The following PTPRK variants were observed in gnomAD, a reference collection of about 807,000 sequenced individuals.
PTPRK encodes protein tyrosine phosphatase receptor type K.
PTPRK carries 75 observed loss-of-function variants against 178.0 expected under a neutral mutation model. The observed-to-expected ratio is 0.42, with a 90% confidence interval of 0.35 to 0.51. The LOEUF is 0.51. PTPRK is among the 20% of genes least tolerant of loss of function. The pLI is 0.02. For synonymous variants in PTPRK, 637 were observed against 620.6 expected (o/e 1.03, Z -0.39); for missense variants, 1,441 against 1,797.8 (o/e 0.80, Z 3.59).
At chr6:128,220,233 G>C (rs1810144877) in intron 5 of PTPRK, among the ~76,000 whole-genome samples, 1 of 152,046 alleles carries the variant, frequency 6.6e-6, no homozygotes, top group Non-Finnish European at 1.5e-5. Flanking sequence ...GGAATAAATA[G>C]CCAGAATACG....
intron 1 of PTPRK, among the ~76,000 whole-genome samples, chr6:128,473,411 T>A (rs887510427): frequency 7.2e-6 from 1 of 137,970 alleles, no homozygotes; most frequent in Non-Finnish European, 1.6e-5. Flanking sequence ...ACTATTTTTT[T>A]TTTTTTTTTT....
At chr6:128,091,279 C>T (rs1009477206) in intron 7 of PTPRK, among the ~76,000 whole-genome samples, 7 of 152,186 alleles carry the variant, frequency 4.6e-5, no homozygotes, top group Non-Finnish European at 7.3e-5. Flanking sequence ...CAGACGTTAC[C>T]TGAAGTCCAC....
rs143695934 is a variant in PTPRK at position 128,404,561 on chromosome 6, C to T, written c.101-6873G>A. Reference sequence around the variant, plus strand: ...GCATATCCATTGTAGCAGGGGATCCCGAAGTGTGATCAATCCAAATCTTAC... The same window carrying T: ...GCATATCCATTGTAGCAGGGGATCCTGAAGTGTGATCAATCCAAATCTTAC... On this transcript the variant is annotated intron_variant, in intron 1 of 29. Coordinates refer to ENST00000368226, the MANE Select transcript of PTPRK (RefSeq NM_002844.4). Among the ~76,000 whole-genome samples the T allele has an allele frequency of 9.5e-4, 145 of 152,200 alleles. 1 individual carries two copies. The East Asian group carries it at 0.024, about 25-fold the overall frequency.
intron 7 of PTPRK, 84 bp downstream of exon 7, chr6:128,184,347 AT>A: frequency 7.6e-7 from 1 of 1,311,728 alleles, no homozygotes; most frequent in East Asian, 2.5e-5. Context: ...ATATCAAATA[AT>A]GAGAACCTTC....
In PTPRK at chr6:127,997,858, T is replaced by C. The variant is rs568051479; in HGVS notation, c.2679+862A>G. 3.3e-5 allele frequency among the ~76,000 whole-genome samples: 5 copies of C among 152,240 alleles called. No homozygotes were observed. The East Asian group carries it at 9.7e-4, about 29-fold the overall frequency. ...ATACAGGTAATCCATAGATAAAATA[T>C]GGAGTTTAAAAGATTCTTCATGAAA... On this transcript the variant is annotated intron_variant, in intron 16 of 29. Transcript: ENST00000368226.
intron 6 of PTPRK, among the ~76,000 whole-genome samples, chr6:128,191,732 A>G (rs1339072139): frequency 2.0e-5 from 3 of 152,196 alleles, no homozygotes; most frequent in African/African-American, 7.2e-5. Flanking sequence ...GCGAAAAAAA[A>G]AATCTCTAGT....
In PTPRK at chr6:128,153,586, C is replaced by T. The variant is rs557490311; in HGVS notation, c.1162+30846G>A. 2.8e-4 allele frequency among the ~76,000 whole-genome samples: 42 copies of T among 151,986 alleles called. 2 individuals carry two copies. The South Asian group carries it at 7.5e-3, about 27-fold the overall frequency. On this transcript the variant is annotated intron_variant, in intron 7 of 29. Transcript: ENST00000368226. ...ACTACAATTAGCATTATATTTTTCA[C>T]GGCAGCTCTACAGTTTGAAATCCAT...
chr6:128,020,460 C>T (rs1336758853), intron 13 of PTPRK, among the ~76,000 whole-genome samples: 1 of 152,014 alleles, frequency 6.6e-6, no homozygotes, highest in Admixed American at 6.6e-5. Flanking sequence ...TTTTTTCCCT[C>T]CCACAAACTA....
intron 6 of PTPRK, among the ~76,000 whole-genome samples, chr6:128,191,449 CAA>C (rs1219347274): frequency 6.6e-6 from 1 of 151,924 alleles, no homozygotes; most frequent in Non-Finnish European, 1.5e-5. Flanking sequence ...GAGAGATGTT[CAA>C]AGTGTACAGA....
intron 3 of PTPRK, among the ~76,000 whole-genome samples, chr6:128,283,633 C>T (rs1822022042): frequency 6.6e-6 from 1 of 151,948 alleles, no homozygotes; most frequent in Admixed American, 6.6e-5. Flanking sequence ...AGTATACAGA[C>T]CGAAAAATAA....
chr6:128,295,013 A>G (rs1824057943), intron 3 of PTPRK, among the ~76,000 whole-genome samples: 1 of 152,088 alleles, frequency 6.6e-6, no homozygotes, highest in African/African-American at 2.4e-5. Context: ...TTCCACATAA[A>G]CAGATACATA....
chr6:128,048,281 C>G (rs1284917251), intron 13 of PTPRK, among the ~76,000 whole-genome samples: 1 of 152,142 alleles, frequency 6.6e-6, no homozygotes, highest in Non-Finnish European at 1.5e-5. Flanking sequence ...AGTTGAGGCC[C>G]AGCAATCTGC....
At chr6:128,083,849 T>C (rs780335553) in intron 8 of PTPRK, 25 bp from the exon 9 acceptor site, 1 of 1,354,986 alleles carries the variant, frequency 7.4e-7, no homozygotes, top group East Asian at 2.5e-5. Flanking sequence ...AATTTTTTGT[T>C]ATGAAAATGC....
At chr6:128,076,268 G>A (rs1783788982) in intron 11 of PTPRK, among the ~76,000 whole-genome samples, 2 of 151,976 alleles carry the variant, frequency 1.3e-5, no homozygotes, top group African/African-American at 4.8e-5. Flanking sequence ...GATCAGATAA[G>A]CCTCACGATA....
chr6:128,473,704 C>T (rs1318343591), intron 1 of PTPRK, among the ~76,000 whole-genome samples: 1 of 151,918 alleles, frequency 6.6e-6, no homozygotes, highest in East Asian at 1.9e-4. Context: ...TTTCCATGAT[C>T]TTAAAGTCTC....
Position 128,242,603 on chromosome 6 carries a change from C to G in PTPRK, c.496-1G>C. 6.2e-7 allele frequency: 1 copy of G among 1,611,276 alleles called. No individual in the cohort carries two copies. The highest frequency in any genetic ancestry group is 8.5e-7 in the Non-Finnish European group (1 of 1,179,070). On this transcript the variant is annotated splice_acceptor_variant, in intron 3 of 29. Transcript: ENST00000368226. LOFTEE classifies it high-confidence loss of function. ...CTGAGACTTCAGCTTCAAATATTAC[C>G]TGTCAAAAAGAAACAGAAAATATTT...
intron 19 of PTPRK, among the ~76,000 whole-genome samples, chr6:127,992,332 G>C (rs764253807): frequency 6.6e-6 from 1 of 151,684 alleles, no homozygotes; most frequent in African/African-American, 2.4e-5. Context: ...AAGAAGACAG[G>C]CCTCTTATAT....
At position 128,472,420 on chromosome 6, in the gene PTPRK, ACCC is replaced by A. The variant is rs11299646; in HGVS notation, c.100+47836_100+47838del. 1.3e-3 allele frequency among the ~76,000 whole-genome samples: 149 copies of A among 117,768 alleles called. 1 individual carries two copies. The highest frequency in any genetic ancestry group is 4.2e-3 in the Middle Eastern group (1 of 238). The allele number at this position is 117,768 out of a possible 152,430, so 77.3% of individuals were successfully genotyped here. A position where few individuals can be genotyped will look rare whatever the true frequency, so the allele number is the denominator to read the frequency against. On this transcript the variant is annotated intron_variant, in intron 1 of 29. Transcript: ENST00000368226. ...TTAGGGAACTCCCTGAATTTTTGAC[ACCC>A]CCCCCCCCTTTAGCTTAGGGAACTC...
intron 1 of PTPRK, among the ~76,000 whole-genome samples, chr6:128,483,859 TG>T (rs1200528585): frequency 2.0e-5 from 3 of 152,190 alleles, no homozygotes; most frequent in African/African-American, 7.2e-5. Flanking sequence ...CAATTATGTC[TG>T]CTTGCCATTG....
Sources: gnomAD v4.1 joint callset for allele counts (sites outside exome capture counted in the v4.1 genomes callset) on GRCh38, gnomAD v4.1.1 for gene constraint, MANE v1.5 for transcripts, NCBI Gene and HGNC (gene_info 2026-07-23, HGNC 2026-07-21) for gene names.